Variants in SLC26A3 observed in about 807,000 individuals in gnomAD.
SLC26A3 encodes the protein chloride anion exchanger.
In SLC26A3, 64 loss-of-function variants were observed where a neutral mutation model predicts 85.6. That is an observed-to-expected ratio of 0.75 (90% CI 0.61 to 0.92). The LOEUF (loss-of-function observed/expected upper bound fraction) is 0.92. Ranked by LOEUF, SLC26A3 falls within the 40% of genes least tolerant of loss-of-function variation. SLC26A3 has a pLI of 0.00. For synonymous variants in SLC26A3, 349 were observed against 336.0 expected, an observed-to-expected ratio of 1.04 and a Z score of -0.42; for missense variants, 922 against 927.3, an observed-to-expected ratio of 0.99 and a Z score of 0.07.
intron 1 of SLC26A3, among the ~76,000 whole-genome samples, chr7:107,800,401 T>C (rs992942711): frequency 1.3e-5 from 2 of 152,218 alleles, no homozygotes; most frequent in African/African-American, 4.8e-5. Flanking sequence ...AACAAACATG[T>C]ATCAGCCTAT....
chr7:107,782,274 C>G (rs1198403274), intron 11 of SLC26A3, among the ~76,000 whole-genome samples: 3 of 152,190 alleles, frequency 2.0e-5, no homozygotes, highest in Non-Finnish European at 2.9e-5. Context: ...ACTAAACCCT[C>G]AAGCTTATAG....
chr7:107,767,103 G>A (rs1156597531), intron 20 of SLC26A3, among the ~76,000 whole-genome samples: 1 of 152,074 alleles, frequency 6.6e-6, no homozygotes, highest in African/African-American at 2.4e-5. Flanking sequence ...ATGCTGAATT[G>A]GCAACTCACT....
Position 107,767,851 on chromosome 7 carries a change from G to A in SLC26A3, c.2120C>T (p.Ser707Leu), listed in dbSNP as rs561848464. 73 of 1,613,418 alleles carry A rather than the reference G, an allele frequency of 4.5e-5. No individual in the cohort carries two copies. In the South Asian group the frequency reaches 7.8e-4, roughly 17 times the overall value. The change falls in exon 19 of 21, where the codon TCA becomes TTA. Residue 707 changes from serine (S) to leucine (L), a missense_variant. By Grantham distance (145) the Ser-to-Leu change is moderately radical. Transcript: ENST00000340010. ...YEFFDGEVKS[S>L]IFFLTIHDAV... ...ATCATGGATTGTTAAGAAAAATATT[G>A]AGCTTTTCACTTCACCATCAAAAAA...
At chr7:107,797,785 T>C (rs2115901405) in intron 1 of SLC26A3, among the ~76,000 whole-genome samples, 1 of 140,368 alleles carries the variant, frequency 7.1e-6, no homozygotes, top group South Asian at 2.4e-4. Flanking sequence ...CAGGCTGGAG[T>C]GTAGTGGCGA....
chr7:107,775,551 C>T (rs1322086332), intron 15 of SLC26A3, among the ~76,000 whole-genome samples: 1 of 151,822 alleles, frequency 6.6e-6, no homozygotes, highest in Non-Finnish European at 1.5e-5. Flanking sequence ...AAAGCAAGCC[C>T]TCGTCTCTAC....
chr7:107,791,284 C>T (rs1794397358), intron 4 of SLC26A3, 49 bp from the exon 5 acceptor site: 1 of 1,554,010 alleles, frequency 6.4e-7, no homozygotes, highest in Non-Finnish European at 8.9e-7. Flanking sequence ...CTCTAAAGCA[C>T]ATTGTCTTTC....
At position 107,789,647 on chromosome 7, in the gene SLC26A3, G is replaced by A. The variant is rs959929759; in HGVS notation, c.612C>T (p.Tyr204=). 2 of 1,613,870 alleles carry A rather than the reference G, an allele frequency of 1.2e-6. No homozygotes were observed. The highest frequency in any genetic ancestry group is 1.6e-4 in the Middle Eastern group (1 of 6,082). The change falls in exon 6 of 21, where the codon TAC becomes TAT. Residue 204 remains tyrosine, a synonymous_variant. Coordinates refer to ENST00000340010, the MANE Select transcript of SLC26A3 (RefSeq NM_000111.3). The stretch of plus-strand genomic sequence containing the variant: ...AGCCACTGATGAGGGACTCAGACAG[G>A]TATATCACTACAAATCCAATCCGCA... ...GILRIGFVVI[Y]LSESLISGFT...
intron 1 of SLC26A3, among the ~76,000 whole-genome samples, chr7:107,801,905 C>T (rs995894837): frequency 1.4e-5 from 2 of 147,548 alleles, no homozygotes; most frequent in Admixed American, 1.3e-4. Flanking sequence ...CATGGCGAAA[C>T]CCCGTCTCTA....
Position 107,786,832 on chromosome 7 carries a change from A to T in SLC26A3, c.966T>A (p.Asn322Lys). 1 of 1,613,430 alleles carries T rather than the reference A, an allele frequency of 6.2e-7. No homozygotes were observed. Among genetic ancestry groups the T allele is most frequent in the South Asian group, 1.1e-5 (1 of 91,068 alleles). Residue 322 changes from asparagine (N) to lysine (K), a missense_variant, in exon 8 of 21, where the codon AAT becomes AAA. By Grantham distance (94) the Asn-to-Lys change is moderately conservative. Coordinates refer to ENST00000340010, the MANE Select transcript of SLC26A3 (RefSeq NM_000111.3). Reference sequence around the variant, plus strand: ...ATCATCGAAGACACACTTACCCAGGATTCATGTCCCCAACCACAGCCACTT... The same window carrying T: ...ATCATCGAAGACACACTTACCCAGGTTTCATGTCCCCAACCACAGCCACTT... ...RFKVAVVGDM[N>K]PGFQPPITPD...
intron 3 of SLC26A3, among the ~76,000 whole-genome samples, chr7:107,793,209 C>T (rs921117848): frequency 1.3e-5 from 2 of 152,076 alleles, no homozygotes; most frequent in Admixed American, 1.3e-4. Context: ...ATAGAGTTAC[C>T]CTATGATCCA....
Position 107,776,540 on chromosome 7 carries a change from T to C in SLC26A3, c.1589A>G (p.Tyr530Cys). ...YKNKKDYYDM[Y>C]EPEGVKIFRC... Reference sequence around the variant, plus strand: ...GAAAATTTTCACTCCTTCTGGCTCATACATCTGTAAGGCAGAGAAGCATTG... The same window carrying C: ...GAAAATTTTCACTCCTTCTGGCTCACACATCTGTAAGGCAGAGAAGCATTG... Residue 530 changes from tyrosine (Y) to cysteine (C), a missense_variant, in exon 15 of 21, where the codon TAT (tyrosine) becomes TGT (cysteine). Physicochemically the swap from Tyr to Cys is radical, Grantham distance 194. Coordinates refer to ENST00000340010, the MANE Select transcript of SLC26A3 (RefSeq NM_000111.3). The C allele has an allele frequency of 1.2e-6, 2 of 1,613,780 alleles. No individual in the cohort carries two copies. The highest frequency in any genetic ancestry group is 1.7e-6 in the Non-Finnish European group (2 of 1,179,618).
intron 18 of SLC26A3, among the ~76,000 whole-genome samples, chr7:107,769,306 A>T (rs1187101384): frequency 6.6e-6 from 1 of 152,236 alleles, no homozygotes; most frequent in Non-Finnish European, 1.5e-5. Flanking sequence ...TATTCACAAT[A>T]GCAAAGACAT....
chr7:107,791,854 C>A lies in SLC26A3; in HGVS notation c.358G>T (p.Gly120Cys). 1 of 1,612,436 alleles carries A rather than the reference C, an allele frequency of 6.2e-7. No individual in the cohort carries two copies. ...CCCACGGATATGTGTCTGGAAGTGC[C>A]GAAGAAAAGGTAGATTATGGCTGGG... is the stretch of plus-strand genomic sequence containing the variant. The part of the protein sequence containing the change: ...FFPAIIYLFF[G>C]TSRHISVGPF... The change falls in exon 4 of 21, where the codon GGC (glycine) becomes TGC (cysteine). Residue 120 changes from glycine to cysteine, a missense_variant. Gly to Cys is a radical substitution (Grantham distance 159). Coordinates refer to ENST00000340010, the MANE Select transcript of SLC26A3 (RefSeq NM_000111.3).
At chr7:107,782,125 C>T (rs1794223957) in intron 11 of SLC26A3, among the ~76,000 whole-genome samples, 1 of 152,182 alleles carries the variant, frequency 6.6e-6, no homozygotes, top group Non-Finnish European at 1.5e-5. Flanking sequence ...AACAGGGCTC[C>T]ATGTACCACC....
chr7:107,783,613 A>T (rs1194874318), intron 8 of SLC26A3, among the ~76,000 whole-genome samples: 1 of 152,240 alleles, frequency 6.6e-6, no homozygotes, highest in Non-Finnish European at 1.5e-5. Flanking sequence ...CAGTAAAACC[A>T]CACTATAATG....
intron 7 of SLC26A3, 60 bp from the exon 8 acceptor site, chr7:107,786,969 G>T: frequency 7.0e-7 from 1 of 1,434,750 alleles, no homozygotes; most frequent in Non-Finnish European, 9.8e-7. Flanking sequence ...GTCTTGCTTT[G>T]AAGAAAAATA....
At chr7:107,796,612 G>A (rs1794505305) in intron 1 of SLC26A3, among the ~76,000 whole-genome samples, 1 of 152,138 alleles carries the variant, frequency 6.6e-6, no homozygotes, top group South Asian at 2.1e-4. Context: ...GCAGAGCATG[G>A]ATTTTTGTCT....
intron 8 of SLC26A3, among the ~76,000 whole-genome samples, chr7:107,785,275 G>A (rs909042758): frequency 1.3e-5 from 2 of 152,106 alleles, no homozygotes; most frequent in African/African-American, 4.8e-5. Flanking sequence ...AGAGTTTTTG[G>A]TAATGTGCTC....
In SLC26A3 at chr7:107,791,141, C is replaced by T; in HGVS notation, c.477G>A (p.Leu159=). The T allele has an allele frequency of 6.2e-7, 1 of 1,614,210 alleles. No individual in the cohort carries two copies. Among genetic ancestry groups the T allele is most frequent in the Non-Finnish European group, 8.5e-7 (1 of 1,180,034 alleles). Residue 159 remains leucine (L), a synonymous_variant, in exon 5 of 21, where the codon TTG becomes TTA. Coordinates refer to ENST00000340010, the MANE Select transcript of SLC26A3 (RefSeq NM_000111.3). ...VPDRNATTLG[L]PNNSNNSSLL... is the part of the protein sequence containing the mutation. ...GTGAAGAATTATTCGAGTTGTTAGG[C>T]AATCCCAAAGTAGTTGCATTGCGAT...
Sources: gnomAD v4.1 joint callset for allele counts (sites outside exome capture counted in the v4.1 genomes callset) on GRCh38, gnomAD v4.1.1 for gene constraint, MANE v1.5 for transcripts, NCBI Gene and HGNC (gene_info 2026-07-23, HGNC 2026-07-21) for gene names.